The following NXNL2 variants were observed in gnomAD, a reference collection of about 807,000 sequenced individuals.
The protein encoded by NXNL2 is nucleoredoxin like 2, also known as nucleoredoxin-like protein 2.
NXNL2 carries 7 observed loss-of-function variants against 11.1 expected under a neutral mutation model. That is an observed-to-expected ratio of 0.63 (90% confidence interval 0.36 to 1.18). The LOEUF (loss-of-function observed/expected upper bound fraction) is 1.18. NXNL2 is among the 50% of genes most tolerant of loss of function. The pLI, the probability that NXNL2 is intolerant of heterozygous loss-of-function variation, is 0.02. For missense variants in NXNL2, 233 were observed against 217.7 expected (o/e 1.07, Z -0.44); for synonymous variants, 109 against 101.8 (o/e 1.07, Z -0.42).
chr9:88,542,471 G>A (rs954976673), intron 1 of NXNL2, among the ~76,000 whole-genome samples: 1 of 151,536 alleles, frequency 6.6e-6, no homozygotes, highest in Non-Finnish European at 1.5e-5. Flanking sequence ...TGTATTTTTA[G>A]CAGAGACAGG....
rs892240667 is a variant in NXNL2, at chr9:88,535,475, AGG to A, written c.43_44del (p.Gly15ArgfsTer87). Reference sequence around the variant, plus strand: ...GGCGAGCGGCACCTGGTGACCTGTAAGGGCGCGACGGTGGAGGCCGAGGCGGC... The same window carrying A: ...GGCGAGCGGCACCTGGTGACCTGTAAGCGCGACGGTGGAGGCCGAGGCGGC... On this transcript the variant is annotated frameshift_variant, in exon 1 of 2. Coordinates refer to ENST00000375854, the MANE Select transcript of NXNL2 (RefSeq NM_001161625.2). LOFTEE classifies it high-confidence loss of function. The A allele has an allele frequency of 1.9e-6, 3 of 1,608,320 alleles. No individual in the cohort carries two copies. The highest frequency in any genetic ancestry group is 8.5e-7 in the Non-Finnish European group (1 of 1,178,318).
At chr9:88,581,228 T>G (rs1830405129) in intron 1 of NXNL2, among the ~76,000 whole-genome samples, 1 of 152,230 alleles carries the variant, frequency 6.6e-6, no homozygotes, top group South Asian at 2.1e-4. Flanking sequence ...AAGGAGCTTC[T>G]GTCTGCAGCT....
chr9:88,562,923 A>C (rs1830104896), intron 1 of NXNL2, among the ~76,000 whole-genome samples: 1 of 151,982 alleles, frequency 6.6e-6, no homozygotes, highest in African/African-American at 2.4e-5. Context: ...CCCTGTTTCT[A>C]CTAAAAATAC....
At chr9:88,569,913 C>A (rs866491659) in intron 1 of NXNL2, among the ~76,000 whole-genome samples, 5 of 152,104 alleles carry the variant, frequency 3.3e-5, no homozygotes, top group Non-Finnish European at 5.9e-5. Context: ...TTCTTCTGCA[C>A]TTTTTGCCCC....
At chr9:88,570,901 C>T (rs1165443936) in intron 1 of NXNL2, among the ~76,000 whole-genome samples, 1 of 151,754 alleles carries the variant, frequency 6.6e-6, no homozygotes, top group Non-Finnish European at 1.5e-5. Flanking sequence ...CACCACCATG[C>T]CTGGCTAATT....
intron 1 of NXNL2, among the ~76,000 whole-genome samples, chr9:88,581,005 G>C (rs1239149104): frequency 6.6e-6 from 1 of 152,188 alleles, no homozygotes; most frequent in Non-Finnish European, 1.5e-5. Flanking sequence ...CTCAGTGTGT[G>C]GTATCAGAGG....
In NXNL2 at chr9:88,535,207, A is replaced by G. The variant is rs1829574366; in HGVS notation, c.-228A>G. On this transcript the variant is annotated 5_prime_UTR_variant, in exon 1 of 2. Transcript: ENST00000375854. ...GCGGGTGCCGCGCTGTCGCCCAGGTATCTGGGGTCTCTGGTGTCTGAGTGT... is the reference window on the plus strand; with the variant it reads ...GCGGGTGCCGCGCTGTCGCCCAGGTGTCTGGGGTCTCTGGTGTCTGAGTGT... The G allele has an allele frequency of 3.2e-5, 17 of 538,790 alleles. No individual in the cohort carries two copies. The South Asian group carries it at 4.0e-4, about 13-fold the overall frequency. The allele number at this position is 538,790 out of a possible 1,614,324, so 33.4% of individuals were successfully genotyped here.
intron 2 of NXNL2, among the ~76,000 whole-genome samples, chr9:88,573,774 G>C (rs564547030): frequency 1.2e-3 from 189 of 152,288 alleles, no homozygotes; most frequent in Non-Finnish European, 1.6e-3. Flanking sequence ...GGTTAGGATG[G>C]TGTTATGTTA....
chr9:88,547,445 AACAC>A (rs1359738225), downstream of NXNL2, among the ~76,000 whole-genome samples: 3 of 152,066 alleles, frequency 2.0e-5, no homozygotes, highest in Non-Finnish European at 2.9e-5. Context: ...ACACACCACA[AACAC>A]ACACACAGAC....
chr9:88,557,080 CAAA>C (rs150400954), intron 1 of NXNL2, among the ~76,000 whole-genome samples: 3,368 of 55,488 alleles, frequency 0.061, 98 homozygotes, highest in African/African-American at 0.15. Context: ...GACTCCATCT[CAAA>C]AAAAAAAAAA....
In NXNL2 at chr9:88,535,665, G is replaced by T; in HGVS notation, c.231G>T (p.Gln77His). 1 of 1,607,684 alleles carries T rather than the reference G, an allele frequency of 6.2e-7. No individual in the cohort carries two copies. ...VVFVSADGSS[Q>H]EMLDFMRELH... The stretch of plus-strand genomic sequence containing the variant: ...TCGTGTCAGCCGACGGCAGCTCCCA[G>T]GAGATGCTGGACTTCATGCGCGAGC... The change falls in exon 1 of 2, where the codon CAG becomes CAT. Residue 77 changes from glutamine to histidine, a missense_variant. Transcript: ENST00000375854.
At chr9:88,542,914 A>G (rs1223299342) in intron 1 of NXNL2, among the ~76,000 whole-genome samples, 2 of 152,146 alleles carry the variant, frequency 1.3e-5, no homozygotes, top group Non-Finnish European at 2.9e-5. Context: ...ACTCGGGTTC[A>G]CAATCCTGAG....
chr9:88,576,126 CA>C (rs1331503278), downstream of NXNL2, among the ~76,000 whole-genome samples: 1 of 152,188 alleles, frequency 6.6e-6, no homozygotes. Flanking sequence ...GCCCAGGAGA[CA>C]GAGGTTACAG....
intron 1 of NXNL2, among the ~76,000 whole-genome samples, chr9:88,537,177 C>T (rs1033984792): frequency 1.3e-5 from 2 of 152,134 alleles, no homozygotes; most frequent in Non-Finnish European, 2.9e-5. Flanking sequence ...CTCATGTGTC[C>T]GCTGGTTATG....
At chr9:88,574,870 G>T (rs1830326077) in intron 2 of NXNL2, among the ~76,000 whole-genome samples, 1 of 152,176 alleles carries the variant, frequency 6.6e-6, no homozygotes, top group South Asian at 2.1e-4. Flanking sequence ...GGTGGTCTGA[G>T]CACATGTGTT....
chr9:88,567,340 T>C (rs1304418417), intron 1 of NXNL2, among the ~76,000 whole-genome samples: 1 of 152,178 alleles, frequency 6.6e-6, no homozygotes, highest in Non-Finnish European at 1.5e-5. Context: ...GGTTTCACCA[T>C]GTTGGCCAGC....
chr9:88,569,050 C>T (rs1830221511), intron 1 of NXNL2, among the ~76,000 whole-genome samples: 1 of 152,148 alleles, frequency 6.6e-6, no homozygotes, highest in Non-Finnish European at 1.5e-5. Context: ...CTTCAGCCTC[C>T]TGAGTAGCTG....
chr9:88,547,596 G>A (rs1043540250), downstream of NXNL2, among the ~76,000 whole-genome samples: 2 of 152,188 alleles, frequency 1.3e-5, no homozygotes, highest in African/African-American at 4.8e-5. Flanking sequence ...CATCCTTTCA[G>A]TAGGGTGTCC....
chr9:88,566,101 A>G (rs1587853440), intron 1 of NXNL2, among the ~76,000 whole-genome samples: 1 of 152,258 alleles, frequency 6.6e-6, no homozygotes, highest in African/African-American at 2.4e-5. Context: ...CTTATCAGAT[A>G]TACAGTTTAC....
Sources: allele counts gnomAD v4.1 joint callset (sites outside exome capture counted in the v4.1 genomes callset), GRCh38; gene constraint gnomAD v4.1.1; transcripts MANE v1.5; gene names NCBI Gene and HGNC (gene_info 2026-07-23, HGNC 2026-07-21).